SLC44A5: variants seen among roughly 807,000 people sequenced by gnomAD.
SLC44A5 encodes solute carrier family 44 member 5, also known as choline transporter-like protein 5.
In SLC44A5, 57 loss-of-function variants were observed where a neutral mutation model predicts 101.8. The ratio of observed to expected loss-of-function variants is 0.56; its 90% CI spans 0.45 to 0.70. SLC44A5 has a LOEUF of 0.70. SLC44A5 is among the 30% of genes least tolerant of loss of function. SLC44A5 has a pLI of 0.00. For synonymous variants in SLC44A5, 281 were observed against 290.9 expected (o/e 0.97, Z 0.35); for missense variants, 737 against 853.1 (o/e 0.86, Z 1.70).
chr1:75,717,412 A>G, the SLC44A5 span, among the ~76,000 whole-genome samples: 1 of 152,046 alleles, frequency 6.6e-6, no homozygotes, highest in Non-Finnish European at 1.5e-5. Context: ...CTGAACATTG[A>G]GAGTACACAT....
intron 3 of SLC44A5, among the ~76,000 whole-genome samples, chr1:75,388,520 C>T (rs1661558416): frequency 6.6e-6 from 1 of 152,106 alleles, no homozygotes; most frequent in Non-Finnish European, 1.5e-5. Flanking sequence ...GTGGCTCATG[C>T]CTGTAATTCC....
intron 2 of SLC44A5, among the ~76,000 whole-genome samples, chr1:75,448,282 C>T (rs1181657236): frequency 6.6e-6 from 1 of 152,148 alleles, no homozygotes; most frequent in East Asian, 1.9e-4. Flanking sequence ...TTCAAGTCTG[C>T]ATAGATGGAA....
intron 11 of SLC44A5, among the ~76,000 whole-genome samples, 160 bp from the exon 12 acceptor site, chr1:75,234,258 T>C (rs1468514129): frequency 6.6e-6 from 1 of 152,102 alleles, no homozygotes; most frequent in Non-Finnish European, 1.5e-5. Flanking sequence ...TAAACAATGA[T>C]TTCCATTAAG....
chr1:75,722,883 C>T, the SLC44A5 span, among the ~76,000 whole-genome samples: 137 of 152,246 alleles, frequency 9.0e-4, no homozygotes, highest in African/African-American at 3.1e-3. Context: ...ATCTGTTGGC[C>T]GTAATAAAGA....
chr1:75,541,360 T>G lies in SLC44A5; in HGVS notation c.13+75A>C. ...ATACTCATTTTTCTATTTGTCCTTA[T>G]TTAATATTAAATAAAAAAGAATATT... On this transcript the variant is annotated intron_variant, in intron 2 of 23. Transcript: ENST00000370859. The G allele has an allele frequency of 3.5e-6, 4 of 1,128,974 alleles. No individual in the cohort carries two copies. In the South Asian group the frequency reaches 5.2e-5, roughly 15 times the overall value. The allele number at this position is 1,128,974 out of a possible 1,614,324, so 69.9% of individuals were successfully genotyped here.
chr1:75,622,893 AT>A, the SLC44A5 span, among the ~76,000 whole-genome samples: 79 of 152,228 alleles, frequency 5.2e-4, no homozygotes, highest in Non-Finnish European at 1.0e-3. Flanking sequence ...TCATTCCCTC[AT>A]ATATGAGTGA....
At chr1:75,291,651 G>T (rs1653552698) in intron 5 of SLC44A5, among the ~76,000 whole-genome samples, 1 of 152,018 alleles carries the variant, frequency 6.6e-6, no homozygotes, top group Non-Finnish European at 1.5e-5. Flanking sequence ...ATGGACAAAG[G>T]GCCTGTGAGG....
chr1:75,354,538 G>A (rs114222522), intron 3 of SLC44A5, among the ~76,000 whole-genome samples: 255 of 152,244 alleles, frequency 1.7e-3, no homozygotes, highest in African/African-American at 6.0e-3. Flanking sequence ...AATAAAAAGC[G>A]TGGGCTCCCA....
chr1:75,612,562 T>G (rs1275206573), upstream of SLC44A5, among the ~76,000 whole-genome samples: 33 of 152,236 alleles, frequency 2.2e-4, no homozygotes, highest in Admixed American at 2.2e-3. Flanking sequence ...CACTTTGTTT[T>G]ATTTCTCCTG....
At chr1:75,556,710 T>A (rs1041375388) in intron 1 of SLC44A5, among the ~76,000 whole-genome samples, 1 of 152,006 alleles carries the variant, frequency 6.6e-6, no homozygotes, top group African/African-American at 2.4e-5. Flanking sequence ...AAAAAGGGGA[T>A]TGGAGATAGG....
chr1:75,677,081 C>T, the SLC44A5 span, among the ~76,000 whole-genome samples: 1 of 152,060 alleles, frequency 6.6e-6, no homozygotes, highest in Non-Finnish European at 1.5e-5. Flanking sequence ...AACACCAGAT[C>T]TCTCCTAAAA....
intron 6 of SLC44A5, among the ~76,000 whole-genome samples, chr1:75,273,158 T>C (rs895519706): frequency 2.0e-5 from 3 of 152,078 alleles, no homozygotes; most frequent in African/African-American, 7.2e-5. Flanking sequence ...GTGAAAGGAA[T>C]TGAGTTCTTG....
At chr1:75,437,619 A>C (rs1664964066) in intron 2 of SLC44A5, among the ~76,000 whole-genome samples, 1 of 152,152 alleles carries the variant, frequency 6.6e-6, no homozygotes, top group African/African-American at 2.4e-5. Context: ...AGTTATTGTT[A>C]ATGAAATAAC....
intron 2 of SLC44A5, among the ~76,000 whole-genome samples, chr1:75,457,821 C>A (rs972375851): frequency 2.0e-5 from 3 of 151,594 alleles, no homozygotes; most frequent in African/African-American, 7.3e-5. Flanking sequence ...TGCACCACTG[C>A]ACTCCAGCCT....
At chr1:75,362,188 TTCTC>T (rs1659533742) in intron 3 of SLC44A5, among the ~76,000 whole-genome samples, 1 of 152,006 alleles carries the variant, frequency 6.6e-6, no homozygotes, top group Non-Finnish European at 1.5e-5. Flanking sequence ...TATTTGAGGC[TTCTC>T]TCTTTTTTAA....
intron 4 of SLC44A5, among the ~76,000 whole-genome samples, chr1:75,335,535 G>C (rs575529348): frequency 1.3e-5 from 2 of 152,158 alleles, no homozygotes; most frequent in African/African-American, 4.8e-5. Context: ...GTGGTCAAGA[G>C]AGCAGGATCC....
chr1:75,318,516 A>T (rs1415584083), intron 4 of SLC44A5, among the ~76,000 whole-genome samples: 1 of 152,224 alleles, frequency 6.6e-6, no homozygotes, highest in Non-Finnish European at 1.5e-5. Flanking sequence ...AAGCCAGATG[A>T]TCTGCTTTAT....
chr1:75,259,645 G>T (rs1650319954), intron 6 of SLC44A5, among the ~76,000 whole-genome samples: 1 of 152,080 alleles, frequency 6.6e-6, no homozygotes, highest in African/African-American at 2.4e-5. Context: ...GTCTAGCAAG[G>T]CAGGCCAATA....
intron 1 of SLC44A5, among the ~76,000 whole-genome samples, chr1:75,567,219 A>G (rs211762): frequency 0.68 from 103,211 of 151,930 alleles, 35,745 homozygotes; most frequent in East Asian, 0.84. Flanking sequence ...ACTTTTTCCA[A>G]AACTAAATCT....
Sources: allele counts gnomAD v4.1 joint callset (sites outside exome capture counted in the v4.1 genomes callset), GRCh38; gene constraint gnomAD v4.1.1; transcripts MANE v1.5; gene names NCBI Gene and HGNC (gene_info 2026-07-23, HGNC 2026-07-21).